The following RALGAPA2 variants were observed in gnomAD, a reference collection of about 807,000 sequenced individuals.
The protein encoded by RALGAPA2 is ral GTPase-activating protein subunit alpha-2.
In RALGAPA2, 139 loss-of-function variants were observed where a neutral mutation model predicts 230.4. The ratio of observed to expected loss-of-function variants is 0.60; its 90% CI spans 0.53 to 0.69. The LOEUF (loss-of-function observed/expected upper bound fraction) is 0.69. Ranked by LOEUF, RALGAPA2 falls within the 30% of genes least tolerant of loss-of-function variation. The pLI is 0.00. For missense variants in RALGAPA2, 2,163 were observed against 2,276.0 expected, an observed-to-expected ratio of 0.95 and a Z score of 1.01; for synonymous variants, 847 against 837.8, an observed-to-expected ratio of 1.01 and a Z score of -0.19.
At chr20:20,646,815 AT>A (rs2067230612) in intron 4 of RALGAPA2, among the ~76,000 whole-genome samples, 1 of 152,156 alleles carries the variant, frequency 6.6e-6, no homozygotes, top group Non-Finnish European at 1.5e-5. Flanking sequence ...TAAATTTTTA[AT>A]TACTAATGTT....
At chr20:20,432,503 C>T (rs1400061529) in intron 37 of RALGAPA2, among the ~76,000 whole-genome samples, 1 of 152,110 alleles carries the variant, frequency 6.6e-6, no homozygotes, top group African/African-American at 2.4e-5. Context: ...AAGGCACCTA[C>T]CTGGATTTTT....
At chr20:20,591,103 G>C in intron 17 of RALGAPA2, 74 bp downstream of exon 17, 1 of 1,509,762 alleles carries the variant, frequency 6.6e-7, no homozygotes, top group Non-Finnish European at 9.0e-7. Flanking sequence ...TATGTACAAA[G>C]CAATACTATA....
At chr20:20,491,254 C>T (rs1270323806) in intron 36 of RALGAPA2, among the ~76,000 whole-genome samples, 2 of 152,104 alleles carry the variant, frequency 1.3e-5, no homozygotes, top group Non-Finnish European at 2.9e-5. Flanking sequence ...TTTCTCCATG[C>T]TCGTATGTAC....
intron 37 of RALGAPA2, among the ~76,000 whole-genome samples, chr20:20,469,830 A>G (rs1467475603): frequency 3.5e-4 from 54 of 152,224 alleles, no homozygotes; most frequent in Non-Finnish European, 4.4e-5. Flanking sequence ...CTCTAGGCAC[A>G]GGAATAGGCT....
At chr20:20,590,313 TA>T (rs528189454) in intron 17 of RALGAPA2, among the ~76,000 whole-genome samples, 20 of 150,880 alleles carry the variant, frequency 1.3e-4, no homozygotes, top group Admixed American at 5.9e-4. Context: ...CAAATATGTA[TA>T]AAAAAAAAGC....
chr20:20,543,480 C>T (rs1208643462), intron 24 of RALGAPA2, among the ~76,000 whole-genome samples: 1 of 152,184 alleles, frequency 6.6e-6, no homozygotes. Flanking sequence ...GGAACCAACC[C>T]AAATGCCTAT....
intron 36 of RALGAPA2, among the ~76,000 whole-genome samples, chr20:20,482,241 C>T (rs1555361): frequency 0.063 from 9,652 of 152,202 alleles, 398 homozygotes; most frequent in Non-Finnish European, 0.088. Context: ...CTGTTAAGGG[C>T]TGTGGGGGAA....
At chr20:20,559,403 T>G (rs1479867423) in intron 23 of RALGAPA2, among the ~76,000 whole-genome samples, 3 of 152,050 alleles carry the variant, frequency 2.0e-5, no homozygotes, top group Non-Finnish European at 2.9e-5. Context: ...GGAAGCCAGC[T>G]CTATCAACCT....
chr20:20,401,498 T>C (rs1052071081), intron 38 of RALGAPA2, among the ~76,000 whole-genome samples: 2 of 152,192 alleles, frequency 1.3e-5, no homozygotes, highest in African/African-American at 4.8e-5. Context: ...AAGCTTATTC[T>C]AACTTGAATT....
chr20:20,627,426 G>A (rs180848770), intron 10 of RALGAPA2, among the ~76,000 whole-genome samples: 75 of 152,316 alleles, frequency 4.9e-4, no homozygotes, highest in Admixed American at 4.1e-3. Context: ...TGGATGGCAC[G>A]TGGGCATTTT....
chr20:20,502,295 T>C (rs1278283537), intron 35 of RALGAPA2, among the ~76,000 whole-genome samples: 1 of 151,872 alleles, frequency 6.6e-6, no homozygotes, highest in Non-Finnish European at 1.5e-5. Context: ...AATAAAGAAA[T>C]AAAGCAGGTA....
Position 20,495,163 on chromosome 20 carries a change from G to A in RALGAPA2, c.5321C>T (p.Pro1774Leu). 6.2e-7 allele frequency: 1 copy of A among 1,610,658 alleles called. No individual in the cohort carries two copies. The highest frequency in any genetic ancestry group is 1.1e-5 in the South Asian group (1 of 90,752). Residue 1774 changes from proline to leucine, a missense_variant, in exon 36 of 40, where the codon CCA becomes CTA. By Grantham distance (98) the Pro-to-Leu change is moderately conservative. Transcript: ENST00000202677. ...GATGAAGAACATGTGATTCTTCATT[G>A]GGTAAATAATGATTGAAACATCTCC... ...AFGDVSIIIY[P>L]MKNHMFFIAI... is the part of the protein sequence containing the mutation.
chr20:20,420,643 A>C (rs1389039509), intron 37 of RALGAPA2, among the ~76,000 whole-genome samples: 3 of 152,156 alleles, frequency 2.0e-5, no homozygotes, highest in Non-Finnish European at 4.4e-5. Context: ...CTCTCCGGTG[A>C]GGCAGAGAAT....
chr20:20,554,971 T>C (rs577066813), intron 23 of RALGAPA2, among the ~76,000 whole-genome samples: 1 of 152,364 alleles, frequency 6.6e-6, no homozygotes, highest in Non-Finnish European at 1.5e-5. Flanking sequence ...GCTTGCATAT[T>C]TGGTTTCATA....
Position 20,634,074 on chromosome 20 carries a change from T to C in RALGAPA2, c.1005+1344A>G, listed in dbSNP as rs79398143. Among the ~76,000 whole-genome samples the C allele has an allele frequency of 5.4e-3, 829 of 152,306 alleles. 7 individuals are homozygous for C. Among genetic ancestry groups the C allele is most frequent in the African/African-American group, 0.019 (790 of 41,568 alleles). The stretch of plus-strand genomic sequence containing the variant: ...TGTCTCTTAATTCCTGAAAATCAAA[T>C]GTCTGTTTAGGTTTGTATCTTGATA... On this transcript the variant is annotated intron_variant, in intron 9 of 39. Coordinates refer to ENST00000202677, the MANE Select transcript of RALGAPA2 (RefSeq NM_020343.4).
intron 16 of RALGAPA2, among the ~76,000 whole-genome samples, chr20:20,597,178 A>G (rs1297184333): frequency 1.3e-5 from 2 of 152,248 alleles, no homozygotes; most frequent in African/African-American, 4.8e-5. Flanking sequence ...ACTGTGACAT[A>G]AGAAAACTTT....
intron 4 of RALGAPA2, among the ~76,000 whole-genome samples, chr20:20,645,645 A>G (rs1173749678): frequency 6.6e-6 from 1 of 152,208 alleles, no homozygotes; most frequent in Admixed American, 6.5e-5. Context: ...TGTTGTAGTG[A>G]AAAACTCGTT....
chr20:20,534,008 T>A (rs73290967), intron 26 of RALGAPA2, among the ~76,000 whole-genome samples: 1,679 of 151,834 alleles, frequency 0.011, 25 homozygotes, highest in African/African-American at 0.039. Context: ...AATAGAGAAG[T>A]TGAACAAAGA....
chr20:20,556,925 A>G (rs1423049276), intron 23 of RALGAPA2, among the ~76,000 whole-genome samples: 1 of 152,134 alleles, frequency 6.6e-6, no homozygotes, highest in Non-Finnish European at 1.5e-5. Context: ...AAACTGAGCC[A>G]AGTGTCTCTG....
Sources: gnomAD v4.1 joint callset for allele counts (sites outside exome capture counted in the v4.1 genomes callset) on GRCh38, gnomAD v4.1.1 for gene constraint, MANE v1.5 for transcripts, NCBI Gene and HGNC (gene_info 2026-07-23, HGNC 2026-07-21) for gene names.